The following NDUFAF5 variants were observed in gnomAD, a reference collection of about 807,000 sequenced individuals.
The protein encoded by NDUFAF5 is arginine-hydroxylase NDUFAF5, mitochondrial.
NDUFAF5 carries 34 observed loss-of-function variants against 48.9 expected under a neutral mutation model. That is an observed-to-expected ratio of 0.70 (90% CI 0.53 to 0.93). NDUFAF5 has a LOEUF of 0.93. Ranked by LOEUF, NDUFAF5 falls within the 40% of genes least tolerant of loss-of-function variation. The probability of loss-of-function intolerance (pLI) is 0.00; values close to 1 mark genes in which losing one functional copy is unlikely to be tolerated. For missense variants in NDUFAF5, 428 were observed against 427.5 expected (o/e 1.00, Z -0.01); for synonymous variants, 153 against 150.6 (o/e 1.02, Z -0.12).
intron 3 of NDUFAF5, among the ~76,000 whole-genome samples, chr20:13,790,765 A>G (rs921353105): frequency 1.3e-5 from 2 of 152,170 alleles, no homozygotes; most frequent in African/African-American, 2.4e-5. Flanking sequence ...CAGTCTCTCA[A>G]ACAGGCCAGA....
chr20:13,810,119 G>A (rs1421335549), intron 8 of NDUFAF5, among the ~76,000 whole-genome samples: 2 of 152,176 alleles, frequency 1.3e-5, no homozygotes, highest in East Asian at 3.8e-4. Context: ...AAAGTTGGGA[G>A]TCAGTTGTGA....
At chr20:13,803,061 A>G (rs1984452964) in intron 7 of NDUFAF5, 1 of 152,252 alleles carries the variant, frequency 6.6e-6, no homozygotes, top group Non-Finnish European at 1.5e-5. Flanking sequence ...AAACGCTAAA[A>G]TAGCTGTTTG....
rs1986714612 is a variant in NDUFAF5 at position 13,818,182 on chromosome 20, GC to G, written c.*973del. 8 of 454,082 alleles carry G rather than the reference GC, an allele frequency of 1.8e-5. No individual in the cohort carries two copies. Among genetic ancestry groups the G allele is most frequent in the African/African-American group, 8.0e-5 (4 of 50,122 alleles). 28.1% of individuals were successfully genotyped at this position (454,082 alleles called of 1,614,324 possible). On this transcript the variant is annotated 3_prime_UTR_variant, in exon 11 of 11. Coordinates refer to ENST00000378106, the MANE Select transcript of NDUFAF5 (RefSeq NM_024120.5). ...AGCAACAAGCTGTCCATGGGTGGGG[GC>G]TGTGTGTTAGCCTGTACGTAGCACA...
chr20:13,820,173 ATG>A lies in NDUFAF5; in HGVS notation c.*2965_*2966del, dbSNP rs1986883949. ...GAGAATTCCAAAGGTAAATATGAAAATGTATACCTACAAAAGAATTTTTGCTT... is the reference window on the plus strand; with the variant it reads ...GAGAATTCCAAAGGTAAATATGAAAATATACCTACAAAAGAATTTTTGCTT... On this transcript the variant is annotated 3_prime_UTR_variant, in exon 11 of 11. Coordinates refer to ENST00000378106, the MANE Select transcript of NDUFAF5 (RefSeq NM_024120.5). The A allele has an allele frequency of 6.6e-6, 1 of 152,210 alleles. No individual in the cohort carries two copies. 9.4% of individuals were successfully genotyped at this position (152,210 alleles called of 1,614,324 possible).
At chr20:13,789,678 G>A (rs1347834440) in intron 3 of NDUFAF5, among the ~76,000 whole-genome samples, 7 of 151,848 alleles carry the variant, frequency 4.6e-5, no homozygotes, top group South Asian at 4.2e-4. Flanking sequence ...GGGTTTCACC[G>A]TGTTAGCCAG....
chr20:13,809,787 A>G (rs1342743075), intron 8 of NDUFAF5, among the ~76,000 whole-genome samples: 1 of 152,204 alleles, frequency 6.6e-6, no homozygotes, highest in Non-Finnish European at 1.5e-5. Context: ...GGTGGTGGCA[A>G]TGGAGATGAA....
In NDUFAF5 at chr20:13,808,874, A is replaced by G. The variant is rs767277509; in HGVS notation, c.750A>G (p.Gly250=). 27 of 1,596,964 alleles carry G rather than the reference A, an allele frequency of 1.7e-5. No homozygotes were observed. The East Asian group carries it at 5.6e-4, about 33-fold the overall frequency. Residue 250 remains glycine, a synonymous_variant, in exon 8 of 11, where the codon GGA becomes GGG. Transcript: ENST00000378106. The part of the protein sequence containing the change: ...DTDEIQVNYP[G]MFELMEDLQG... ...ATGAAATTCAAGTTAACTATCCTGG[A>G]ATGTTTGAATTGATGGAAGATTTAC... is the stretch of plus-strand genomic sequence containing the variant.
At chr20:13,806,888 C>T (rs528598972) in intron 7 of NDUFAF5, among the ~76,000 whole-genome samples, 5 of 152,020 alleles carry the variant, frequency 3.3e-5, no homozygotes, top group African/African-American at 9.7e-5. Context: ...TAAAGTGAAA[C>T]GAAGTCTCCT....
At chr20:13,813,602 T>G (rs544759564) in intron 8 of NDUFAF5, among the ~76,000 whole-genome samples, 1 of 152,254 alleles carries the variant, frequency 6.6e-6, no homozygotes, top group East Asian at 1.9e-4. Context: ...TACATTCAAC[T>G]GTAAAATGAA....
intron 3 of NDUFAF5, among the ~76,000 whole-genome samples, chr20:13,790,567 A>G (rs1188752417): frequency 1.3e-5 from 2 of 152,130 alleles, no homozygotes; most frequent in Non-Finnish European, 2.9e-5. Context: ...TGTCATGGCA[A>G]AGTATCCTCG....
At position 13,817,549 on chromosome 20, in the gene NDUFAF5, T is replaced by C. The variant is rs1374670083; in HGVS notation, c.*339T>C. On this transcript the variant is annotated 3_prime_UTR_variant, in exon 11 of 11. Transcript: ENST00000378106. The stretch of plus-strand genomic sequence containing the variant: ...ACCTTTTTCATTTGTCATACTGTTT[T>C]CTTTGCCTTGAAGAGGAACAGATGA... 4.2e-6 allele frequency: 2 copies of C among 470,804 alleles called. No individual in the cohort carries two copies. The highest frequency in any genetic ancestry group is 3.1e-5 in the South Asian group (2 of 64,624). 29.2% of individuals were successfully genotyped at this position (470,804 alleles called of 1,614,324 possible).
At chr20:13,810,223 C>T (rs983593746) in intron 8 of NDUFAF5, among the ~76,000 whole-genome samples, 4 of 152,136 alleles carry the variant, frequency 2.6e-5, no homozygotes, top group African/African-American at 4.8e-5. Context: ...GGGTAGTCGA[C>T]GTCTGAGCCT....
Position 13,785,303 on chromosome 20 carries a change from G to A in NDUFAF5, c.222+13G>A, listed in dbSNP as rs535445241. The A allele has an allele frequency of 3.1e-6, 3 of 973,882 alleles. No homozygotes were observed. The highest frequency in any genetic ancestry group is 2.3e-5 in the Admixed American group (1 of 43,948). 60.3% of individuals were successfully genotyped at this position (973,882 alleles called of 1,614,324 possible). ...CCTGAAGGAGGAGGTGAGCCCGCGG[G>A]GCGGCGGGGCGGCGGGGCGGGCGAC... On this transcript the variant is annotated intron_variant, in intron 1 of 10. Coordinates refer to ENST00000378106, the MANE Select transcript of NDUFAF5 (RefSeq NM_024120.5).
intron 6 of NDUFAF5, among the ~76,000 whole-genome samples, chr20:13,800,658 A>C (rs188088750): frequency 9.2e-5 from 14 of 152,352 alleles, no homozygotes; most frequent in Admixed American, 7.8e-4. Flanking sequence ...GCTGTGAATC[A>C]TAATGATTTC....
chr20:13,801,425 ATTT>A, intron 6 of NDUFAF5, 58 bp from the exon 7 acceptor site: 1 of 1,095,750 alleles, frequency 9.1e-7, no homozygotes, highest in Non-Finnish European at 1.3e-6. Context: ...CTATATATTT[ATTT>A]TTTAACATTT....
At chr20:13,797,105 C>T (rs1260846047) in intron 5 of NDUFAF5, among the ~76,000 whole-genome samples, 1 of 152,196 alleles carries the variant, frequency 6.6e-6, no homozygotes, top group African/African-American at 2.4e-5. Flanking sequence ...ACACTGACAA[C>T]ACTAAATGCG....
intron 7 of NDUFAF5, chr20:13,801,916 CA>C: frequency 2.2e-6 from 1 of 464,532 alleles, no homozygotes; most frequent in Non-Finnish European, 3.8e-6. Flanking sequence ...AAAAGTAGCT[CA>C]AAAAATGTAT....
rs573938171 is a variant in NDUFAF5 at position 13,807,438 on chromosome 20, C to T, written c.718-1404C>T. On this transcript the variant is annotated intron_variant, in intron 7 of 10. Coordinates refer to ENST00000378106, the MANE Select transcript of NDUFAF5 (RefSeq NM_024120.5). ...TTCAGATCCACTTTTTTTTATAGAC[C>T]CATAGAATACACTTATGTCATTTAA... 2.0e-5 allele frequency among the ~76,000 whole-genome samples: 3 copies of T among 152,082 alleles called. No homozygotes were observed. In the East Asian group the frequency reaches 5.8e-4, roughly 29 times the overall value.
rs2147484930 is a variant in NDUFAF5 at position 13,788,660 on chromosome 20, T to C, written c.327+8T>C. On this transcript the variant is annotated splice_region_variant and intron_variant, in intron 3 of 10. Coordinates refer to ENST00000378106, the MANE Select transcript of NDUFAF5 (RefSeq NM_024120.5). ...GCACAATATTTGAATAAGGTATATT[T>C]ATTCAATGACCTAATTTACTTTGAA... The C allele has an allele frequency of 1.3e-6, 2 of 1,578,326 alleles. No homozygotes were observed. The highest frequency in any genetic ancestry group is 1.7e-6 in the Non-Finnish European group (2 of 1,147,734).
Sources: allele counts gnomAD v4.1 joint callset (sites outside exome capture counted in the v4.1 genomes callset), GRCh38; gene constraint gnomAD v4.1.1; transcripts MANE v1.5; gene names NCBI Gene and HGNC (gene_info 2026-07-23, HGNC 2026-07-21).